The following C8orf34 variants were observed in gnomAD, a reference collection of about 807,000 sequenced individuals.
C8orf34 encodes chromosome 8 open reading frame 34.
Under a neutral mutation model 68.3 loss-of-function variants are expected in C8orf34, and 65 were observed. The ratio of observed to expected loss-of-function variants is 0.95; its 90% CI spans 0.78 to 1.17. C8orf34 has a LOEUF of 1.17. Ranked by LOEUF, C8orf34 falls within the 50% of genes most tolerant of loss-of-function variation. The pLI, the probability that C8orf34 is intolerant of heterozygous loss-of-function variation, is 0.00. For synonymous variants in C8orf34, 244 were observed against 241.2 expected (o/e 1.01, Z -0.11); for missense variants, 664 against 655.4 (o/e 1.01, Z -0.14).
chr8:68,669,127 C>T (rs951057237), intron 8 of C8orf34, among the ~76,000 whole-genome samples: 2 of 152,062 alleles, frequency 1.3e-5, no homozygotes, highest in African/African-American at 4.8e-5. Context: ...AATAACTCAC[C>T]TTAAATATCC....
intron 9 of C8orf34, among the ~76,000 whole-genome samples, chr8:68,716,807 A>G (rs1821486887): frequency 1.3e-5 from 2 of 152,072 alleles, no homozygotes; most frequent in Non-Finnish European, 2.9e-5. Flanking sequence ...ATCATATAGC[A>G]TGAAATATGA....
At chr8:68,515,032 C>A (rs937341560) in intron 5 of C8orf34, among the ~76,000 whole-genome samples, 1 of 152,040 alleles carries the variant, frequency 6.6e-6, no homozygotes, top group South Asian at 2.1e-4. Flanking sequence ...ATAGTGTATA[C>A]GTGTTCAATA....
At chr8:68,393,513 C>T (rs1224250629) in intron 1 of C8orf34, among the ~76,000 whole-genome samples, 1 of 152,028 alleles carries the variant, frequency 6.6e-6, no homozygotes, top group African/African-American at 2.4e-5. Flanking sequence ...AACTCTGTCA[C>T]CAGGTCAGGC....
chr8:68,638,985 GC>G (rs563728702), intron 7 of C8orf34, among the ~76,000 whole-genome samples: 2 of 152,042 alleles, frequency 1.3e-5, no homozygotes, highest in Non-Finnish European at 2.9e-5. Context: ...CAGGAGAGTA[GC>G]AAAAATAGGG....
intron 10 of C8orf34, among the ~76,000 whole-genome samples, chr8:68,739,411 A>G (rs971124452): frequency 6.6e-6 from 1 of 152,046 alleles, no homozygotes; most frequent in Non-Finnish European, 1.5e-5. Context: ...TACAAAATCA[A>G]TGTACAAAAG....
At chr8:68,492,480 C>G (rs1287756935) in intron 5 of C8orf34, among the ~76,000 whole-genome samples, 1 of 152,054 alleles carries the variant, frequency 6.6e-6, no homozygotes, top group African/African-American at 2.4e-5. Flanking sequence ...CCTTCCTTCT[C>G]AGCCTCCCAA....
chr8:68,602,175 G>T (rs1817717449), intron 7 of C8orf34, among the ~76,000 whole-genome samples: 1 of 152,136 alleles, frequency 6.6e-6, no homozygotes, highest in Admixed American at 6.6e-5. Flanking sequence ...GGAGAGGGAA[G>T]GGTGGAAGTG....
chr8:68,467,250 T>C (rs1812187748), intron 3 of C8orf34, among the ~76,000 whole-genome samples: 1 of 137,016 alleles, frequency 7.3e-6, no homozygotes, highest in Admixed American at 7.0e-5. Flanking sequence ...TTATTATGAC[T>C]AATTAATTAA....
intron 8 of C8orf34, among the ~76,000 whole-genome samples, chr8:68,654,176 G>A (rs1819445470): frequency 6.6e-6 from 1 of 152,088 alleles, no homozygotes; most frequent in African/African-American, 2.4e-5. Flanking sequence ...CCTTCCATGT[G>A]AGGATATACA....
chr8:68,503,808 T>A (rs1031036029), intron 5 of C8orf34, among the ~76,000 whole-genome samples: 1 of 152,088 alleles, frequency 6.6e-6, no homozygotes, highest in African/African-American at 2.4e-5. Context: ...TTCTGATCCT[T>A]CATTTGTGTC....
chr8:68,658,884 T>A lies in C8orf34; in HGVS notation c.1241+18373T>A, dbSNP rs538768016. Among the ~76,000 whole-genome samples the A allele has an allele frequency of 2.6e-5, 4 of 152,318 alleles. No individual in the cohort carries two copies. The East Asian group carries it at 7.7e-4, about 29-fold the overall frequency. ...CTTTCCTTAAAGTTTTAAAATATAT[T>A]GCTTTAAAGTCATTTTTAAGCTAGC... On this transcript the variant is annotated intron_variant, in intron 8 of 13. Coordinates refer to ENST00000518698, the MANE Select transcript of C8orf34 (RefSeq NM_052958.4).
intron 1 of C8orf34, among the ~76,000 whole-genome samples, chr8:68,424,950 T>G (rs1001983052): frequency 6.6e-6 from 1 of 152,058 alleles, no homozygotes; most frequent in Non-Finnish European, 1.5e-5. Context: ...TGAGTGAAAT[T>G]TATTTCAGAC....
intron 1 of C8orf34, among the ~76,000 whole-genome samples, chr8:68,424,226 G>A (rs1425390175): frequency 6.6e-6 from 1 of 152,118 alleles, no homozygotes; most frequent in Non-Finnish European, 1.5e-5. Context: ...CTAGAAAAGT[G>A]AAGCAGACCA....
intron 7 of C8orf34, chr8:68,625,445 A>G (rs980701051): frequency 1.8e-6 from 1 of 543,272 alleles, no homozygotes; most frequent in Admixed American, 3.1e-5. Context: ...AAGAGCTCAC[A>G]GAGGCAACTC....
intron 1 of C8orf34, among the ~76,000 whole-genome samples, chr8:68,423,611 C>A (rs1810077079): frequency 6.6e-6 from 1 of 152,142 alleles, no homozygotes; most frequent in Admixed American, 6.5e-5. Flanking sequence ...CAAACTGTTC[C>A]AACCTCTGCC....
intron 9 of C8orf34, among the ~76,000 whole-genome samples, chr8:68,716,401 T>C (rs758037286): frequency 2.0e-5 from 3 of 152,098 alleles, no homozygotes; most frequent in Non-Finnish European, 4.4e-5. Context: ...GATCAAAGAT[T>C]AATATTCAGA....
rs1805970937 is a variant in C8orf34 at position 68,339,151 on chromosome 8, TG to T, written c.327+7813del. ...TTGTTAATTTTCATATAAAAATACCTGCTGGAATTTTGATTCAGATTGTGTT... is the reference window on the plus strand; with the variant it reads ...TTGTTAATTTTCATATAAAAATACCTCTGGAATTTTGATTCAGATTGTGTT... On this transcript the variant is annotated intron_variant, in intron 1 of 13. Coordinates refer to ENST00000518698, the MANE Select transcript of C8orf34 (RefSeq NM_052958.4). Among the ~76,000 whole-genome samples the T allele has an allele frequency of 5.9e-5, 9 of 152,216 alleles. No homozygotes were observed. The South Asian group carries it at 1.9e-3, about 32-fold the overall frequency.
intron 8 of C8orf34, among the ~76,000 whole-genome samples, chr8:68,698,123 A>G (rs955529168): frequency 1.3e-5 from 2 of 151,984 alleles, no homozygotes; most frequent in Admixed American, 1.3e-4. Context: ...TGCTGGTTCC[A>G]TGTCTAGTAG....
chr8:68,643,049 G>A (rs1819059546), intron 8 of C8orf34, among the ~76,000 whole-genome samples: 1 of 152,162 alleles, frequency 6.6e-6, no homozygotes, highest in Non-Finnish European at 1.5e-5. Flanking sequence ...ACAGGCCACA[G>A]ACCAGTACCG....
Sources: allele counts gnomAD v4.1 joint callset (sites outside exome capture counted in the v4.1 genomes callset), GRCh38; gene constraint gnomAD v4.1.1; transcripts MANE v1.5; gene names NCBI Gene and HGNC (gene_info 2026-07-23, HGNC 2026-07-21).